QTMAN: variants seen among roughly 807,000 people sequenced by gnomAD.
QTMAN encodes queuosine-tRNA mannosyltransferase.
At chr2:144,246,570 ACTCCGTCTC>A in the QTMAN span, among the ~76,000 whole-genome samples, 1 of 129,190 alleles carries the variant, frequency 7.7e-6, no homozygotes. Flanking sequence ...ACAGAGCGAG[ACTCCGTCTC>A]AAAAAAAAAA....
the QTMAN span, among the ~76,000 whole-genome samples, chr2:144,231,390 AAC>A: frequency 8.5e-5 from 13 of 152,250 alleles, no homozygotes; most frequent in African/African-American, 1.4e-4. Context: ...TAAAATAATC[AAC>A]AGTGTTTATT....
the QTMAN span, among the ~76,000 whole-genome samples, chr2:144,162,048 T>G: frequency 6.6e-6 from 1 of 152,160 alleles, no homozygotes; most frequent in African/African-American, 2.4e-5. Context: ...TTGCTTCAAG[T>G]GATAAATGGT....
the QTMAN span, among the ~76,000 whole-genome samples, chr2:144,310,332 T>G: frequency 6.6e-6 from 1 of 152,068 alleles, no homozygotes; most frequent in African/African-American, 2.4e-5. Flanking sequence ...GAAGGTTAGG[T>G]AGAGAGTCCA....
the QTMAN span, chr2:144,007,448 A>G: frequency 1.9e-6 from 3 of 1,613,326 alleles, no homozygotes; most frequent in Non-Finnish European, 2.5e-6. Flanking sequence ...CTGGCTGAAA[A>G]GGAAGGGCCA....
At chr2:144,201,782 A>T in the QTMAN span, among the ~76,000 whole-genome samples, 2 of 152,198 alleles carry the variant, frequency 1.3e-5, no homozygotes, top group Non-Finnish European at 2.9e-5. Flanking sequence ...ATTTTGACCA[A>T]GCCATCCCAC....
chr2:144,024,737 A>G, the QTMAN span, among the ~76,000 whole-genome samples: 1 of 152,232 alleles, frequency 6.6e-6, no homozygotes, highest in Non-Finnish European at 1.5e-5. Flanking sequence ...TCAACAAAAT[A>G]CTGCTTTGAA....
At chr2:144,314,147 T>C in the QTMAN span, among the ~76,000 whole-genome samples, 3 of 152,096 alleles carry the variant, frequency 2.0e-5, no homozygotes, top group African/African-American at 7.2e-5. Flanking sequence ...AGAAAAACAG[T>C]CAAATGCTCA....
chr2:144,182,840 T>TTATATATATAATTTATATATAA, the QTMAN span, among the ~76,000 whole-genome samples: 1 of 64,524 alleles, frequency 1.5e-5, no homozygotes, highest in Non-Finnish European at 2.8e-5. Flanking sequence ...TATATATATA[T>TTATATATATAATTTATATATAA]TATATATATA....
At chr2:144,212,006 G>A in the QTMAN span, among the ~76,000 whole-genome samples, 1 of 152,196 alleles carries the variant, frequency 6.6e-6, no homozygotes, top group Non-Finnish European at 1.5e-5. Flanking sequence ...TCCAAACCAA[G>A]GACAGGGTTT....
chr2:144,059,381 A>G, the QTMAN span, among the ~76,000 whole-genome samples: 4 of 152,192 alleles, frequency 2.6e-5, no homozygotes, highest in African/African-American at 9.7e-5. Context: ...AACACAGACT[A>G]ATCATTAAGG....
At chr2:144,237,501 G>T in the QTMAN span, among the ~76,000 whole-genome samples, 1 of 152,066 alleles carries the variant, frequency 6.6e-6, no homozygotes, top group Admixed American at 6.6e-5. Context: ...AATGAACAGC[G>T]TTTCGTTATC....
the QTMAN span, among the ~76,000 whole-genome samples, chr2:144,272,545 G>A: frequency 6.6e-6 from 1 of 152,146 alleles, no homozygotes; most frequent in East Asian, 1.9e-4. Context: ...TCCCCTCTGT[G>A]GCTCCTTCAT....
At chr2:144,131,986 A>G in the QTMAN span, among the ~76,000 whole-genome samples, 1 of 151,876 alleles carries the variant, frequency 6.6e-6, no homozygotes, top group Non-Finnish European at 1.5e-5. Context: ...CTTAGTGCCC[A>G]GCTCAAATGC....
At chr2:144,115,823 GTTGAGCAAAAGT>G in the QTMAN span, among the ~76,000 whole-genome samples, 2 of 152,168 alleles carry the variant, frequency 1.3e-5, no homozygotes, top group South Asian at 4.1e-4. Context: ...CATGGTCAAA[GTTGAGCAAAAGT>G]TTAATAATAA....
chr2:143,986,747 T>C, the QTMAN span, among the ~76,000 whole-genome samples: 1 of 152,212 alleles, frequency 6.6e-6, no homozygotes, highest in Non-Finnish European at 1.5e-5. Context: ...CATTAAGATA[T>C]TAGCAAAAAT....
the QTMAN span, among the ~76,000 whole-genome samples, chr2:143,999,344 T>C: frequency 6.6e-6 from 1 of 151,468 alleles, no homozygotes; most frequent in Non-Finnish European, 1.5e-5. Flanking sequence ...AAGGCATCAC[T>C]AGAGAAATAT....
the QTMAN span, among the ~76,000 whole-genome samples, chr2:143,969,987 A>C: frequency 6.6e-6 from 1 of 152,186 alleles, no homozygotes; most frequent in African/African-American, 2.4e-5. Flanking sequence ...AATGCTGAAC[A>C]CCCAAAGCTT....
At chr2:144,050,233 G>A in the QTMAN span, among the ~76,000 whole-genome samples, 1 of 151,978 alleles carries the variant, frequency 6.6e-6, no homozygotes, top group African/African-American at 2.4e-5. Context: ...AATTGTTAGA[G>A]CATGACAACT....
the QTMAN span, among the ~76,000 whole-genome samples, chr2:143,984,619 C>T: frequency 2.9e-4 from 44 of 152,288 alleles, no homozygotes; most frequent in Middle Eastern, 3.4e-3. Flanking sequence ...CCCCTGTTTT[C>T]CCACCTGAAT....
Sources: allele counts gnomAD v4.1 joint callset (sites outside exome capture counted in the v4.1 genomes callset), GRCh38; gene constraint gnomAD v4.1.1; transcripts MANE v1.5; gene names NCBI Gene and HGNC (gene_info 2026-07-23, HGNC 2026-07-21).